The following MEI4 variants were observed in gnomAD, a reference collection of about 807,000 sequenced individuals.
MEI4 encodes meiosis-specific protein MEI4.
In MEI4, 27 loss-of-function variants were observed where a neutral mutation model predicts 31.4. The observed-to-expected ratio is 0.86, with a 90% CI of 0.63 to 1.19. The LOEUF (loss-of-function observed/expected upper bound fraction) is 1.19, where lower values mean the gene tolerates loss of function less well. Ranked by LOEUF, MEI4 falls within the 50% of genes most tolerant of loss-of-function variation. The pLI, the probability that MEI4 is intolerant of heterozygous loss-of-function variation, is 0.00. For synonymous variants in MEI4, 122 were observed against 145.4 expected, an observed-to-expected ratio of 0.84 and a Z score of 1.16; for missense variants, 329 against 398.9, an observed-to-expected ratio of 0.82 and a Z score of 1.49.
intron 2 of MEI4, among the ~76,000 whole-genome samples, chr6:77,709,505 C>T (rs952318915): frequency 2.0e-5 from 3 of 152,080 alleles, no homozygotes; most frequent in Non-Finnish European, 4.4e-5. Flanking sequence ...AAAATGTTAA[C>T]ATTTTACATC....
intron 4 of MEI4, among the ~76,000 whole-genome samples, chr6:77,850,781 C>T (rs1290817910): frequency 1.3e-5 from 2 of 152,116 alleles, no homozygotes; most frequent in Admixed American, 6.6e-5. Context: ...CCAGAATTGA[C>T]AAATGGGATC....
intron 4 of MEI4, among the ~76,000 whole-genome samples, chr6:77,844,300 C>T (rs1047945545): frequency 5.3e-5 from 8 of 152,100 alleles, no homozygotes; most frequent in East Asian, 1.9e-4. Context: ...GTCACAAAGC[C>T]GGTCCTAAAA....
At chr6:77,759,354 A>G (rs1767993347) in intron 2 of MEI4, among the ~76,000 whole-genome samples, 1 of 151,788 alleles carries the variant, frequency 6.6e-6, no homozygotes, top group Non-Finnish European at 1.5e-5. Flanking sequence ...GATTGTAATC[A>G]TTTTTATAGT....
At chr6:77,767,968 T>C (rs1253808014) in intron 3 of MEI4, among the ~76,000 whole-genome samples, 1 of 152,206 alleles carries the variant, frequency 6.6e-6, no homozygotes, top group African/African-American at 2.4e-5. Flanking sequence ...ATACCTCTTA[T>C]TAAAATAATA....
At chr6:77,917,133 G>A (rs947038031) in intron 4 of MEI4, among the ~76,000 whole-genome samples, 3 of 151,920 alleles carry the variant, frequency 2.0e-5, no homozygotes, top group African/African-American at 7.3e-5. Context: ...GTATTCCGTG[G>A]TGTATATGTG....
intron 4 of MEI4, among the ~76,000 whole-genome samples, chr6:77,867,814 A>C (rs577132252): frequency 6.6e-6 from 1 of 152,274 alleles, no homozygotes; most frequent in East Asian, 1.9e-4. Flanking sequence ...CTTGGAACCA[A>C]CCCAAATGTA....
intron 3 of MEI4, among the ~76,000 whole-genome samples, chr6:77,782,489 A>C (rs549092309): frequency 6.6e-6 from 1 of 152,132 alleles, no homozygotes; most frequent in Non-Finnish European, 1.5e-5. Context: ...ATTTTACACC[A>C]CAAAATACAA....
In MEI4 at chr6:77,748,128, A is replaced by T. The variant is rs200725234; in HGVS notation, c.233-13002A>T. ...CACAGTGCAAGCTGTTGGTGGATCT[A>T]CTATTCTGGGATCTGGGGGACAGTA... is the stretch of plus-strand genomic sequence containing the variant. On this transcript the variant is annotated intron_variant, in intron 2 of 4. Transcript: ENST00000684080. 2.0e-5 allele frequency among the ~76,000 whole-genome samples: 3 copies of T among 152,258 alleles called. No individual in the cohort carries two copies. In the East Asian group the frequency reaches 5.8e-4, roughly 30 times the overall value.
intron 4 of MEI4, among the ~76,000 whole-genome samples, chr6:77,856,691 C>T (rs192449927): frequency 1.7e-4 from 26 of 152,228 alleles, no homozygotes; most frequent in Admixed American, 1.7e-3. Context: ...GCATCCAGAC[C>T]CAGCTCATCA....
intron 3 of MEI4, among the ~76,000 whole-genome samples, chr6:77,779,631 A>C (rs1224049597): frequency 6.6e-6 from 1 of 152,134 alleles, no homozygotes; most frequent in African/African-American, 2.4e-5. Context: ...AGTGACTGTG[A>C]ATGTGTTATG....
intron 2 of MEI4, among the ~76,000 whole-genome samples, chr6:77,694,592 T>A (rs994466239): frequency 2.0e-5 from 3 of 152,186 alleles, no homozygotes; most frequent in African/African-American, 7.2e-5. Context: ...GGACATGAAC[T>A]CATCATTTTT....
Position 77,900,654 on chromosome 6 carries a change from G to C in MEI4, c.901-22435G>C, listed in dbSNP as rs553933442. ...AGGCTGATCAGGATGCTGGTAATTG[G>C]AGACTGACGATAAAAGTCATTTCAA... On this transcript the variant is annotated intron_variant, in intron 4 of 4. Coordinates refer to ENST00000684080, the MANE Select transcript of MEI4 (RefSeq NM_001322247.2). Among the ~76,000 whole-genome samples the C allele has an allele frequency of 2.0e-5, 3 of 152,004 alleles. No homozygotes were observed. The South Asian group carries it at 6.2e-4, about 31-fold the overall frequency.
chr6:77,825,024 T>C (rs1769909346), intron 3 of MEI4, among the ~76,000 whole-genome samples: 1 of 142,586 alleles, frequency 7.0e-6, no homozygotes, highest in African/African-American at 2.8e-5. Context: ...TTTTGTTAAA[T>C]TTTATTTTAC....
intron 4 of MEI4, among the ~76,000 whole-genome samples, chr6:77,885,530 C>G (rs114795740): frequency 6.6e-6 from 1 of 151,892 alleles, no homozygotes; most frequent in African/African-American, 2.4e-5. Context: ...TATCCTGCAA[C>G]TATACTGAAT....
chr6:77,922,180 C>G (rs756244857), intron 4 of MEI4, among the ~76,000 whole-genome samples: 3 of 151,666 alleles, frequency 2.0e-5, no homozygotes, highest in African/African-American at 4.8e-5. Context: ...AAAGAATGTT[C>G]TTTCATTTTT....
chr6:77,916,510 G>T (rs530712428), intron 4 of MEI4, among the ~76,000 whole-genome samples: 7 of 152,106 alleles, frequency 4.6e-5, no homozygotes, highest in Admixed American at 2.6e-4. Flanking sequence ...CATGCATTGT[G>T]TGGTCTTCTT....
chr6:77,685,684 A>T (rs1769042431), intron 1 of MEI4, among the ~76,000 whole-genome samples: 1 of 152,014 alleles, frequency 6.6e-6, no homozygotes. Context: ...TTCATGTTAT[A>T]TTTAAGTCTT....
chr6:77,707,934 G>A (rs938271620), intron 2 of MEI4, among the ~76,000 whole-genome samples: 1 of 152,234 alleles, frequency 6.6e-6, no homozygotes, highest in African/African-American at 2.4e-5. Flanking sequence ...CAAAGGATGT[G>A]TAGGAAAGCT....
intron 2 of MEI4, among the ~76,000 whole-genome samples, chr6:77,736,740 C>G (rs1475662468): frequency 6.6e-6 from 1 of 152,066 alleles, no homozygotes; most frequent in Admixed American, 6.5e-5. Flanking sequence ...CATAGCATCA[C>G]ACAGTCTAGT....
Sources: allele counts gnomAD v4.1 joint callset (sites outside exome capture counted in the v4.1 genomes callset), GRCh38; gene constraint gnomAD v4.1.1; transcripts MANE v1.5; gene names NCBI Gene and HGNC (gene_info 2026-07-23, HGNC 2026-07-21).